The following CEP112 variants were observed in gnomAD, a reference collection of about 807,000 sequenced individuals.
CEP112 encodes centrosomal protein 112.
A neutral mutation model predicts 153.0 loss-of-function variants in CEP112; 127 were observed. The ratio of observed to expected loss-of-function variants is 0.83; its 90% CI spans 0.72 to 0.96. The LOEUF is 0.96. Among genes scored for constraint, CEP112 ranks in the 40% least tolerant of loss-of-function variants. The probability of loss-of-function intolerance (pLI) is 0.00; values close to 1 mark genes in which losing one functional copy is unlikely to be tolerated. For missense variants in CEP112, 1,089 were observed against 1,101.2 expected, an observed-to-expected ratio of 0.99 and a Z score of 0.16; for synonymous variants, 358 against 374.4, an observed-to-expected ratio of 0.96 and a Z score of 0.51.
chr17:66,135,358 A>G (rs924305254), intron 4 of CEP112, among the ~76,000 whole-genome samples: 9 of 152,332 alleles, frequency 5.9e-5, no homozygotes, highest in African/African-American at 1.9e-4. Context: ...AAGTAAGTAC[A>G]AAGGCTGAAA....
chr17:66,105,949 T>C (rs1415735899), intron 6 of CEP112, among the ~76,000 whole-genome samples: 1 of 152,176 alleles, frequency 6.6e-6, no homozygotes, highest in Non-Finnish European at 1.5e-5. Context: ...CATCAAGTTT[T>C]ATTACCTCTG....
At chr17:65,930,870 C>G (rs2061096854) in intron 18 of CEP112, among the ~76,000 whole-genome samples, 1 of 151,510 alleles carries the variant, frequency 6.6e-6, no homozygotes, top group Non-Finnish European at 1.5e-5. Flanking sequence ...TTTTTTTCAT[C>G]CAGTCAGTCT....
chr17:65,705,792 A>T lies in CEP112; in HGVS notation c.2608-16574T>A, dbSNP rs116962725. Among the ~76,000 whole-genome samples, 250 of 152,364 alleles carry T rather than the reference A, an allele frequency of 1.6e-3. 1 individual carries two copies. The highest frequency in any genetic ancestry group is 3.0e-3 in the Non-Finnish European group (202 of 68,032). On this transcript the variant is annotated intron_variant, in intron 23 of 26. Coordinates refer to ENST00000535342, the MANE Select transcript of CEP112 (RefSeq NM_001199165.4). ...GTTTGGATCCTGATTCAGACAAATC[A>T]ACTGTAAAATGGCATTTTAAAGTTA... is the stretch of plus-strand genomic sequence containing the variant.
chr17:65,958,273 T>A (rs1323662430), intron 18 of CEP112, among the ~76,000 whole-genome samples: 1 of 152,234 alleles, frequency 6.6e-6, no homozygotes, highest in Non-Finnish European at 1.5e-5. Flanking sequence ...TGCTTTCCTA[T>A]TGTTTTTGTA....
chr17:65,829,059 C>G (rs1411751733), intron 21 of CEP112, among the ~76,000 whole-genome samples: 1 of 151,932 alleles, frequency 6.6e-6, no homozygotes, highest in African/African-American at 2.4e-5. Context: ...CCCTAGGCAT[C>G]TTGGTATTAT....
intron 12 of CEP112, among the ~76,000 whole-genome samples, chr17:66,040,519 T>G (rs2065927438): frequency 1.6e-5 from 2 of 128,754 alleles, no homozygotes; most frequent in Admixed American, 1.9e-4. Flanking sequence ...TGAGACAGAG[T>G]CTTGCTGTGC....
At chr17:65,798,508 G>A (rs1213625891) in intron 21 of CEP112, among the ~76,000 whole-genome samples, 2 of 151,986 alleles carry the variant, frequency 1.3e-5, no homozygotes, top group East Asian at 1.9e-4. Flanking sequence ...ACTGACTCAC[G>A]GACTAAAGTT....
intron 6 of CEP112, among the ~76,000 whole-genome samples, chr17:66,127,848 T>C (rs1290186994): frequency 2.0e-5 from 3 of 152,170 alleles, no homozygotes; most frequent in Admixed American, 2.0e-4. Context: ...GTCAATTAAC[T>C]GACAAAAGGC....
chr17:66,188,286 AACACACACACACACACACACACACAC>A, intron 1 of CEP112, among the ~76,000 whole-genome samples: 1 of 109,438 alleles, frequency 9.1e-6, no homozygotes, highest in Non-Finnish European at 2.1e-5. Context: ...CACACACACA[AACACACACACACACACACACACACAC>A]ACACACACAC....
intron 24 of CEP112, among the ~76,000 whole-genome samples, chr17:65,643,300 AT>A (rs144510596): frequency 0.44 from 66,776 of 150,262 alleles, 14,975 homozygotes; most frequent in Middle Eastern, 0.56. Flanking sequence ...AATCCCTGGT[AT>A]TTTTTTTTTC....
intron 19 of CEP112, among the ~76,000 whole-genome samples, chr17:65,904,123 A>C (rs1341411328): frequency 2.0e-5 from 3 of 152,310 alleles, no homozygotes; most frequent in African/African-American, 7.2e-5. Flanking sequence ...AAGAGAAACA[A>C]ATAAAGGGTA....
chr17:65,858,620 T>A (rs1303435637), intron 20 of CEP112, among the ~76,000 whole-genome samples: 1 of 152,308 alleles, frequency 6.6e-6, no homozygotes, highest in East Asian at 1.9e-4. Context: ...TTATTTGCAC[T>A]TTGTTCTTTG....
chr17:65,843,140 C>T (rs2057587875), intron 21 of CEP112, among the ~76,000 whole-genome samples: 1 of 152,040 alleles, frequency 6.6e-6, no homozygotes, highest in Admixed American at 6.6e-5. Context: ...TAATATAAAC[C>T]TTCATATAAA....
chr17:65,958,156 A>G (rs2062063240), intron 18 of CEP112, among the ~76,000 whole-genome samples: 1 of 151,934 alleles, frequency 6.6e-6, no homozygotes, highest in South Asian at 2.1e-4. Flanking sequence ...TGGTTTCCTT[A>G]TGTGTGGGAA....
chr17:65,940,440 T>A (rs562180686), intron 18 of CEP112, among the ~76,000 whole-genome samples: 1 of 152,294 alleles, frequency 6.6e-6, no homozygotes, highest in South Asian at 2.1e-4. Context: ...TACACTCCCA[T>A]GTTCATTGCA....
At chr17:66,028,280 C>T (rs764639191) in intron 15 of CEP112, 33 bp downstream of exon 15, 15 of 1,278,688 alleles carry the variant, frequency 1.2e-5, no homozygotes, top group Non-Finnish European at 1.7e-5. Flanking sequence ...TGTGTTTGAC[C>T]ATTGTTCTTC....
At chr17:66,096,119 G>T in intron 8 of CEP112, 132 bp downstream of exon 8, 1 of 611,228 alleles carries the variant, frequency 1.6e-6, no homozygotes, top group Non-Finnish European at 2.8e-6. Context: ...CATGCATCAT[G>T]TTTTATATTT....
At chr17:65,897,821 T>C (rs2059709275) in intron 20 of CEP112, among the ~76,000 whole-genome samples, 1 of 152,130 alleles carries the variant, frequency 6.6e-6, no homozygotes, top group Admixed American at 6.6e-5. Flanking sequence ...TTCCAATGTT[T>C]TAACATATGG....
intron 21 of CEP112, among the ~76,000 whole-genome samples, chr17:65,838,449 G>A (rs1299348999): frequency 6.6e-6 from 1 of 151,980 alleles, no homozygotes; most frequent in African/African-American, 2.4e-5. Context: ...AATTTCTTGA[G>A]ACAAATGAAA....
Sources: gnomAD v4.1 joint callset for allele counts (sites outside exome capture counted in the v4.1 genomes callset) on GRCh38, gnomAD v4.1.1 for gene constraint, MANE v1.5 for transcripts, NCBI Gene and HGNC (gene_info 2026-07-23, HGNC 2026-07-21) for gene names.